The following MAGI2 variants were observed in gnomAD, a reference collection of about 807,000 sequenced individuals.
MAGI2 encodes the protein membrane-associated guanylate kinase, WW and PDZ domain-containing protein 2.
A neutral mutation model predicts 133.3 loss-of-function variants in MAGI2; 35 were observed. That is an observed-to-expected ratio of 0.26 (90% CI 0.20 to 0.35). The LOEUF (loss-of-function observed/expected upper bound fraction) is 0.35. Among genes scored for constraint, MAGI2 ranks in the 10% least tolerant of loss-of-function variants. The pLI, the probability that MAGI2 is intolerant of heterozygous loss-of-function variation, is 1.00. For synonymous variants in MAGI2, 729 were observed against 710.6 expected (o/e 1.03, Z -0.41); for missense variants, 1,636 against 1,863.4 (o/e 0.88, Z 2.25).
intron 1 of MAGI2, among the ~76,000 whole-genome samples, chr7:79,191,853 A>T (rs16886457): frequency 0.027 from 4,065 of 151,708 alleles, 82 homozygotes; most frequent in East Asian, 0.04. Flanking sequence ...ACCTTTTTTT[A>T]AAGCACTTAC....
chr7:78,273,722 G>A (rs920180680), intron 9 of MAGI2, among the ~76,000 whole-genome samples: 7 of 151,212 alleles, frequency 4.6e-5, no homozygotes, highest in Admixed American at 3.9e-4. Flanking sequence ...CCACTTGATC[G>A]ATTCGGCTAT....
At chr7:79,196,758 T>C (rs1435257960) in intron 1 of MAGI2, among the ~76,000 whole-genome samples, 1 of 151,750 alleles carries the variant, frequency 6.6e-6, no homozygotes, top group Non-Finnish European at 1.5e-5. Context: ...ATCATAAATT[T>C]GTTTGCTTGT....
intron 1 of MAGI2, among the ~76,000 whole-genome samples, chr7:79,416,182 C>T (rs1163589837): frequency 6.6e-6 from 1 of 152,030 alleles, no homozygotes; most frequent in African/African-American, 2.4e-5. Context: ...ATATTACACG[C>T]CAAATTTTCT....
chr7:78,826,928 G>A (rs1042175472), intron 2 of MAGI2, among the ~76,000 whole-genome samples: 5 of 152,048 alleles, frequency 3.3e-5, no homozygotes, highest in African/African-American at 1.2e-4. Flanking sequence ...AATAGTAAAA[G>A]CCAGATTTCT....
At chr7:78,661,499 T>A (rs556003873) in intron 2 of MAGI2, among the ~76,000 whole-genome samples, 9 of 152,336 alleles carry the variant, frequency 5.9e-5, no homozygotes, top group Admixed American at 1.3e-4. Flanking sequence ...GTCATCCAGA[T>A]ATGAAGCTTG....
chr7:79,200,594 G>T (rs1828517841), intron 1 of MAGI2, among the ~76,000 whole-genome samples: 1 of 148,862 alleles, frequency 6.7e-6, no homozygotes. Flanking sequence ...CTGGGTGACA[G>T]AATGAGACCC....
chr7:79,337,607 T>G (rs1367914837), intron 1 of MAGI2, among the ~76,000 whole-genome samples: 1 of 152,174 alleles, frequency 6.6e-6, no homozygotes, highest in Non-Finnish European at 1.5e-5. Flanking sequence ...GTGATGATTT[T>G]AATCCATAAA....
intron 9 of MAGI2, among the ~76,000 whole-genome samples, chr7:78,272,056 T>G (rs1454980004): frequency 6.6e-6 from 1 of 152,228 alleles, no homozygotes; most frequent in Admixed American, 6.5e-5. Context: ...TTTTAGATCT[T>G]TCTTGCTTTC....
chr7:78,976,355 AG>A, intron 2 of MAGI2, among the ~76,000 whole-genome samples: 1 of 151,678 alleles, frequency 6.6e-6, no homozygotes, highest in Admixed American at 6.6e-5. Flanking sequence ...ATGATGGAAA[AG>A]CATTTGACAA....
intron 1 of MAGI2, among the ~76,000 whole-genome samples, chr7:79,446,951 CA>C (rs201762140): frequency 2.0e-5 from 3 of 148,040 alleles, no homozygotes; most frequent in African/African-American, 7.5e-5. Context: ...GACTCCGTCT[CA>C]AAAAAAAATA....
chr7:78,075,937 G>A (rs1043381654), intron 21 of MAGI2, among the ~76,000 whole-genome samples: 3 of 152,048 alleles, frequency 2.0e-5, no homozygotes, highest in Admixed American at 1.3e-4. Context: ...TTTGACTATT[G>A]TTTTACTTCC....
chr7:78,853,384 C>G (rs960416731), intron 2 of MAGI2, among the ~76,000 whole-genome samples: 4 of 83,120 alleles, frequency 4.8e-5, no homozygotes, highest in Non-Finnish European at 8.7e-5. Flanking sequence ...GAGACAGAGT[C>G]TCACTCTGTA....
intron 2 of MAGI2, among the ~76,000 whole-genome samples, chr7:78,944,795 G>A (rs1801280227): frequency 6.6e-6 from 1 of 151,912 alleles, no homozygotes; most frequent in Non-Finnish European, 1.5e-5. Flanking sequence ...GGAGTGCAGT[G>A]GCACAATCAC....
chr7:78,797,803 G>T (rs1787737658), intron 2 of MAGI2, among the ~76,000 whole-genome samples: 1 of 152,094 alleles, frequency 6.6e-6, no homozygotes. Context: ...GGGGAGAGTG[G>T]TCAGGCAAAA....
chr7:79,127,175 C>T (rs187328385), intron 1 of MAGI2, among the ~76,000 whole-genome samples: 280 of 152,180 alleles, frequency 1.8e-3, no homozygotes, highest in African/African-American at 5.9e-3. Flanking sequence ...GTATATGTGC[C>T]GCATTTTCTT....
At chr7:78,519,302 A>C (rs1262682098) in intron 4 of MAGI2, among the ~76,000 whole-genome samples, 2 of 152,126 alleles carry the variant, frequency 1.3e-5, no homozygotes, top group African/African-American at 4.8e-5. Context: ...TGGATGATGG[A>C]CCATTTTTTG....
intron 2 of MAGI2, among the ~76,000 whole-genome samples, chr7:78,866,331 C>T (rs1374090538): frequency 1.3e-5 from 2 of 151,934 alleles, no homozygotes; most frequent in Admixed American, 6.6e-5. Flanking sequence ...CTCATCTAAA[C>T]AGAGACACTT....
At chr7:78,726,963 A>T (rs28650857) in intron 2 of MAGI2, among the ~76,000 whole-genome samples, 6,725 of 151,578 alleles carry the variant, frequency 0.044, 217 homozygotes, top group Non-Finnish European at 0.067. Context: ...AAATAACTCC[A>T]TTATCTTAAA....
At chr7:78,623,003 T>C (rs565273071) in intron 3 of MAGI2, among the ~76,000 whole-genome samples, 21 of 152,186 alleles carry the variant, frequency 1.4e-4, no homozygotes, top group African/African-American at 4.8e-4. Context: ...GAGTAACCCA[T>C]TCTGGCTCAC....
Sources: allele counts gnomAD v4.1 joint callset (sites outside exome capture counted in the v4.1 genomes callset), GRCh38; gene constraint gnomAD v4.1.1; transcripts MANE v1.5; gene names NCBI Gene and HGNC (gene_info 2026-07-23, HGNC 2026-07-21).